The following SEMA4D variants were observed in gnomAD, a reference collection of about 807,000 sequenced individuals.
SEMA4D encodes the protein semaphorin-4D.
In SEMA4D, 22 loss-of-function variants were observed where a neutral mutation model predicts 74.8. The ratio of observed to expected loss-of-function variants is 0.29; its 90% CI spans 0.21 to 0.42. The LOEUF is 0.42. Ranked by LOEUF, SEMA4D falls within the 10% of genes least tolerant of loss-of-function variation. The pLI is 1.00. For synonymous variants in SEMA4D, 445 were observed against 463.7 expected (o/e 0.96, Z 0.52); for missense variants, 937 against 1,118.4 (o/e 0.84, Z 2.31).
At chr9:89,485,213 G>C (rs191559552) in intron 1 of SEMA4D, among the ~76,000 whole-genome samples, 13 of 152,080 alleles carry the variant, frequency 8.5e-5, no homozygotes, top group African/African-American at 3.1e-4. Flanking sequence ...ATGCATGTTG[G>C]TTCACAAACT....
intron 1 of SEMA4D, among the ~76,000 whole-genome samples, chr9:89,485,788 C>CAAAAAAAAAAA (rs56056536): frequency 1.3e-5 from 1 of 76,840 alleles, no homozygotes; most frequent in Non-Finnish European, 2.4e-5. Flanking sequence ...AACTCCATCT[C>CAAAAAAAAAAA]AAAAAAAAAA....
intron 1 of SEMA4D, among the ~76,000 whole-genome samples, chr9:89,496,160 A>G (rs1421428029): frequency 6.6e-6 from 1 of 152,166 alleles, no homozygotes; most frequent in Non-Finnish European, 1.5e-5. Context: ...CTTGCACTCT[A>G]AACCTCAGCC....
At position 89,371,785 on chromosome 9, in the gene SEMA4D, GGT is replaced by G. The variant is rs138387728; in HGVS notation, c.1882+5046_1882+5047del. On this transcript the variant is annotated intron_variant, in intron 16 of 18. Coordinates refer to the SEMA4D transcript ENST00000339861. ...GTGTGGGGGGTGTGGTGTGTGTCGGGGTGTGTTTGGGGTGTGTGTGTGGGGGG... is the reference window on the plus strand; with the variant it reads ...GTGTGGGGGGTGTGGTGTGTGTCGGGGTGTTTGGGGTGTGTGTGTGGGGGG... Among the ~76,000 whole-genome samples, 240 of 66,730 alleles carry G rather than the reference GGT, an allele frequency of 3.6e-3. 15 individuals carry two copies. The highest frequency in any genetic ancestry group is 6.9e-3 in the South Asian group (10 of 1,456). The allele number at this position is 66,730 out of a possible 152,430, so 43.8% of individuals were successfully genotyped here.
intron 2 of SEMA4D, chr9:89,449,734 A>C: frequency 2.0e-6 from 3 of 1,516,952 alleles, no homozygotes; most frequent in Non-Finnish European, 2.7e-6. Context: ...ATTATGCAAG[A>C]AACAGGGAAA....
At chr9:89,412,366 C>T (rs896804789) in intron 2 of SEMA4D, among the ~76,000 whole-genome samples, 8 of 152,204 alleles carry the variant, frequency 5.3e-5, no homozygotes, top group African/African-American at 1.9e-4. Context: ...GAAGGTATTT[C>T]CAGGAGTGTC....
chr9:89,479,845 A>C (rs1862756567), intron 1 of SEMA4D: 1 of 154,168 alleles, frequency 6.5e-6, no homozygotes, highest in African/African-American at 2.4e-5. Flanking sequence ...GCAAGAGCGA[A>C]AGAACAAAGC....
chr9:89,477,017 C>T (rs896551766), intron 1 of SEMA4D, among the ~76,000 whole-genome samples: 2 of 152,142 alleles, frequency 1.3e-5, no homozygotes, highest in Non-Finnish European at 2.9e-5. Context: ...TCACTTTAGA[C>T]AAGCTGGAGG....
chr9:89,397,241 A>G (rs1841174215), intron 5 of SEMA4D, among the ~76,000 whole-genome samples: 2 of 152,196 alleles, frequency 1.3e-5, no homozygotes, highest in African/African-American at 2.4e-5. Context: ...CTTACCTCAA[A>G]TCTTACTGGG....
intron 2 of SEMA4D, among the ~76,000 whole-genome samples, chr9:89,408,797 T>C (rs1843865081): frequency 6.6e-6 from 1 of 152,186 alleles, no homozygotes; most frequent in Non-Finnish European, 1.5e-5. Flanking sequence ...TGAACTGACA[T>C]TGGCTCCTCC....
chr9:89,367,927 G>C (rs1165177456), intron 16 of SEMA4D: 1 of 152,320 alleles, frequency 6.6e-6, no homozygotes, highest in African/African-American at 2.4e-5. Context: ...GCCAGCTGGT[G>C]CCAGGACCAC....
chr9:89,388,547 G>A, intron 11 of SEMA4D, 89 bp downstream of exon 11: 1 of 1,483,862 alleles, frequency 6.7e-7, no homozygotes, highest in Non-Finnish European at 9.0e-7. Context: ...CAGGTACCCA[G>A]CCCATGAGCA....
In SEMA4D at chr9:89,379,575, TC is replaced by T; in HGVS notation, c.1717del (p.Glu573AsnfsTer2). 1 of 1,614,174 alleles carries T rather than the reference TC, an allele frequency of 6.2e-7. No homozygotes were observed. The highest frequency in any genetic ancestry group is 8.5e-7 in the Non-Finnish European group (1 of 1,180,004). On this transcript the variant is annotated frameshift_variant, in exon 16 of 16. Coordinates refer to ENST00000422704, the MANE Select transcript of SEMA4D (RefSeq NM_001371194.2). LOFTEE classifies it low-confidence loss of function (END_TRUNC). Reference sequence around the variant, plus strand: ...GTTGGATTTTTGGGAGCATTTCAGTTCCGCTGTGCCACCGTGCTTGAAAAAA... The same window carrying T: ...GTTGGATTTTTGGGAGCATTTCAGTTCGCTGTGCCACCGTGCTTGAAAAAA... ...QHFFKHGGTA[E>X]LKCSQKSNLA...
intron 2 of SEMA4D, among the ~76,000 whole-genome samples, chr9:89,453,787 C>G (rs901018878): frequency 6.6e-6 from 1 of 152,114 alleles, no homozygotes; most frequent in African/African-American, 2.4e-5. Flanking sequence ...ATATGGGCCA[C>G]TTCACGCTGG....
At position 89,378,656 on chromosome 9, in the gene SEMA4D, G is replaced by A. The variant is rs762374395; in HGVS notation, c.*48C>T. The A allele has an allele frequency of 2.5e-5, 37 of 1,452,592 alleles. No homozygotes were observed. Among genetic ancestry groups the A allele is most frequent in the Admixed American group, 6.8e-5 (4 of 58,880 alleles). 90.0% of individuals were successfully genotyped at this position (1,452,592 alleles called of 1,614,324 possible). A position where few individuals can be genotyped will look rare whatever the true frequency, so the allele number is the denominator to read the frequency against. The stretch of plus-strand genomic sequence containing the variant: ...ACAGGAGAAACACAAAACTCTCCAC[G>A]CCTGGACACGTCGCAGCCGAGGCAC... On this transcript the variant is annotated 3_prime_UTR_variant, in exon 16 of 16. Transcript: ENST00000422704.
intron 2 of SEMA4D, among the ~76,000 whole-genome samples, chr9:89,435,979 C>T (rs577245341): frequency 1.2e-4 from 19 of 152,340 alleles, no homozygotes; most frequent in African/African-American, 3.8e-4. Context: ...GCCAAGGAAG[C>T]GCCCCCGCTG....
chr9:89,392,582 G>A (rs1214017630), intron 7 of SEMA4D, 46 bp from the exon 8 acceptor site: 16 of 1,204,022 alleles, frequency 1.3e-5, no homozygotes, highest in Non-Finnish European at 1.9e-5. Flanking sequence ...CAACCTCTCA[G>A]GCTATGGCAC....
intron 15 of SEMA4D, among the ~76,000 whole-genome samples, chr9:89,380,744 C>T (rs1421592153): frequency 6.6e-6 from 1 of 152,186 alleles, no homozygotes; most frequent in African/African-American, 2.4e-5. Context: ...CACTCATGGG[C>T]TCCTTTCTCC....
Position 89,444,760 on chromosome 9 carries a change from C to T in SEMA4D, c.-244+11128G>A, listed in dbSNP as rs73486194. Among the ~76,000 whole-genome samples, 720 of 152,136 alleles carry T rather than the reference C, an allele frequency of 4.7e-3. 3 individuals are homozygous for T. The highest frequency in any genetic ancestry group is 0.015 in the African/African-American group (633 of 41,476). ...TCTTCTTAACAAACGCTGGTACCCA[C>T]GAGCCCTAAGAGAAAAGAGACATAT... On this transcript the variant is annotated intron_variant, in intron 2 of 15. Coordinates refer to ENST00000422704, the MANE Select transcript of SEMA4D (RefSeq NM_001371194.2).
Position 89,378,605 on chromosome 9 carries a change from A to G in SEMA4D, c.*99T>C. On this transcript the variant is annotated 3_prime_UTR_variant, in exon 16 of 16. Transcript: ENST00000422704. ...CTGCACGATGCGGGCTAACCTACGC[A>G]GCACTGCACGAGACTCGGATACTGA... 3 of 848,682 alleles carry G rather than the reference A, an allele frequency of 3.5e-6. No homozygotes were observed. The highest frequency in any genetic ancestry group is 2.1e-5 in the Admixed American group (1 of 47,126). 52.6% of individuals were successfully genotyped at this position (848,682 alleles called of 1,614,324 possible).
Sources: allele counts gnomAD v4.1 joint callset (sites outside exome capture counted in the v4.1 genomes callset), GRCh38; gene constraint gnomAD v4.1.1; transcripts MANE v1.5; gene names NCBI Gene and HGNC (gene_info 2026-07-23, HGNC 2026-07-21).